CLASP1: variants seen among roughly 807,000 people sequenced by gnomAD.
CLASP1 encodes the protein cytoplasmic linker associated protein 1.
In CLASP1, 38 loss-of-function variants were observed where a neutral mutation model predicts 192.3. The ratio of observed to expected loss-of-function variants is 0.20; its 90% CI spans 0.15 to 0.26. The LOEUF (loss-of-function observed/expected upper bound fraction) is 0.26. CLASP1 is among the 10% of genes least tolerant of loss of function. The pLI, the probability that CLASP1 is intolerant of heterozygous loss-of-function variation, is 1.00. For synonymous variants in CLASP1, 691 were observed against 712.8 expected (o/e 0.97, Z 0.49); for missense variants, 1,433 against 1,932.5 (o/e 0.74, Z 4.85).
At chr2:121,466,043 C>T (rs998189382) in intron 9 of CLASP1, among the ~76,000 whole-genome samples, 13 of 151,910 alleles carry the variant, frequency 8.6e-5, no homozygotes, top group Non-Finnish European at 1.6e-4. Flanking sequence ...AAAACTTAAA[C>T]GTTAGACCTA....
intron 19 of CLASP1, among the ~76,000 whole-genome samples, chr2:121,432,072 C>G (rs1376454590): frequency 2.0e-5 from 3 of 152,138 alleles, no homozygotes; most frequent in Non-Finnish European, 4.4e-5. Flanking sequence ...TGTGTCCATA[C>G]CTACACGACA....
intron 2 of CLASP1, among the ~76,000 whole-genome samples, chr2:121,563,931 C>T (rs765221492): frequency 6.6e-6 from 1 of 152,086 alleles, no homozygotes; most frequent in Non-Finnish European, 1.5e-5. Flanking sequence ...TGGGGGAAGG[C>T]AAGGAGGAGC....
intron 5 of CLASP1, among the ~76,000 whole-genome samples, chr2:121,527,280 T>C (rs1420895650): frequency 6.6e-6 from 1 of 152,214 alleles, no homozygotes; most frequent in Admixed American, 6.5e-5. Flanking sequence ...CTGTGACACA[T>C]CTATACCAAG....
intron 1 of CLASP1, among the ~76,000 whole-genome samples, chr2:121,624,956 A>T (rs931171590): frequency 1.3e-5 from 2 of 152,120 alleles, no homozygotes; most frequent in African/African-American, 4.8e-5. Context: ...TAATTTTCAC[A>T]TATTCTGAAT....
chr2:121,505,228 T>A (rs2093906908), intron 7 of CLASP1: 1 of 152,170 alleles, frequency 6.6e-6, no homozygotes, highest in South Asian at 2.1e-4. Flanking sequence ...TTTCTTTCAT[T>A]CCTGGGAGAG....
At chr2:121,428,215 G>A (rs562400316) in intron 20 of CLASP1, among the ~76,000 whole-genome samples, 4 of 152,208 alleles carry the variant, frequency 2.6e-5, no homozygotes, top group Non-Finnish European at 5.9e-5. Flanking sequence ...ACCTGCCAAG[G>A]TAACCTACAC....
chr2:121,453,013 G>A (rs2085834229), intron 14 of CLASP1, among the ~76,000 whole-genome samples: 1 of 151,730 alleles, frequency 6.6e-6, no homozygotes, highest in African/African-American at 2.4e-5. Context: ...AAGGCTGGGA[G>A]CAGCGGCTCA....
At chr2:121,373,621 T>C (rs557763335) in intron 34 of CLASP1, among the ~76,000 whole-genome samples, 1 of 152,278 alleles carries the variant, frequency 6.6e-6, no homozygotes, top group South Asian at 2.1e-4. Flanking sequence ...GACAGTGAAG[T>C]CCAGGATGAG....
chr2:121,421,048 T>C (rs868250076), intron 22 of CLASP1, among the ~76,000 whole-genome samples: 2 of 152,212 alleles, frequency 1.3e-5, no homozygotes, highest in Non-Finnish European at 2.9e-5. Flanking sequence ...AGAAAACTAA[T>C]TGTCCGTTTA....
At chr2:121,590,339 C>T (rs1200091952) in intron 2 of CLASP1, among the ~76,000 whole-genome samples, 1 of 151,958 alleles carries the variant, frequency 6.6e-6, no homozygotes, top group African/African-American at 2.4e-5. Flanking sequence ...GATGCTATGG[C>T]CAAAAGATGA....
intron 7 of CLASP1, among the ~76,000 whole-genome samples, chr2:121,509,653 T>C (rs566224392): frequency 6.6e-6 from 1 of 152,224 alleles, no homozygotes; most frequent in Non-Finnish European, 1.5e-5. Flanking sequence ...TCCTGGCCAA[T>C]GTGGCAAAAC....
intron 14 of CLASP1, among the ~76,000 whole-genome samples, chr2:121,455,975 G>T (rs1487054533): frequency 2.0e-5 from 3 of 152,128 alleles, no homozygotes. Context: ...GTAGATAGGA[G>T]TAAGTTCAAG....
At chr2:121,428,994 CTGAAACCCA>C (rs1260245501) in intron 20 of CLASP1, among the ~76,000 whole-genome samples, 1 of 152,186 alleles carries the variant, frequency 6.6e-6, no homozygotes, top group Non-Finnish European at 1.5e-5. Context: ...TTGTCTGACA[CTGAAACCCA>C]TGCTTGTAGT....
chr2:121,485,315 C>G (rs1232682433), intron 8 of CLASP1, among the ~76,000 whole-genome samples: 2 of 152,130 alleles, frequency 1.3e-5, no homozygotes, highest in East Asian at 3.8e-4. Flanking sequence ...AAAAGGGGCC[C>G]TACAAAAAGT....
At chr2:121,451,705 C>A (rs369402957) in intron 15 of CLASP1, 85 bp downstream of exon 15, 3 of 1,054,426 alleles carry the variant, frequency 2.8e-6, no homozygotes, top group Non-Finnish European at 4.2e-6. Context: ...TCCATTCTTA[C>A]AGAAAGCCAG....
At chr2:121,625,720 C>T (rs1029771840) in intron 1 of CLASP1, among the ~76,000 whole-genome samples, 3 of 151,746 alleles carry the variant, frequency 2.0e-5, no homozygotes, top group Admixed American at 6.6e-5. Context: ...AAGCATGAGC[C>T]ACCGCGCCCA....
chr2:121,356,301 C>T lies in CLASP1; in HGVS notation c.4206+6871G>A, dbSNP rs574098549. ...GAAAGACCTTAAAAAATTGGATTGA[C>T]CCTGAGTTTAAGTATCCACCAGTAG... is the stretch of plus-strand genomic sequence containing the variant. On this transcript the variant is annotated intron_variant, in intron 37 of 39. Coordinates refer to ENST00000263710, the Ensembl canonical transcript of CLASP1. 2.6e-5 allele frequency among the ~76,000 whole-genome samples: 4 copies of T among 152,328 alleles called. No individual in the cohort carries two copies. In the South Asian group the frequency reaches 6.2e-4, roughly 24 times the overall value.
chr2:121,620,951 C>T (rs920184444), intron 1 of CLASP1, among the ~76,000 whole-genome samples: 11 of 152,100 alleles, frequency 7.2e-5, no homozygotes, highest in African/African-American at 2.4e-4. Context: ...GAAGAAGCCA[C>T]GCACGGTGGC....
chr2:121,380,322 G>C (rs2071332727), intron 33 of CLASP1, among the ~76,000 whole-genome samples: 1 of 152,170 alleles, frequency 6.6e-6, no homozygotes. Flanking sequence ...CCCACAGCCT[G>C]TCTTGTTTCA....
Sources: gnomAD v4.1 joint callset for allele counts (sites outside exome capture counted in the v4.1 genomes callset) on GRCh38, gnomAD v4.1.1 for gene constraint, MANE v1.5 for transcripts, NCBI Gene and HGNC (gene_info 2026-07-23, HGNC 2026-07-21) for gene names.